The following ARHGEF4 variants were observed in gnomAD, a reference collection of about 807,000 sequenced individuals.
ARHGEF4 encodes Rho guanine nucleotide exchange factor 4.
A neutral mutation model predicts 162.0 loss-of-function variants in ARHGEF4; 119 were observed. The ratio of observed to expected loss-of-function variants is 0.73; its 90% CI spans 0.63 to 0.86. ARHGEF4 has a LOEUF of 0.86. Ranked by LOEUF, ARHGEF4 falls within the 40% of genes least tolerant of loss-of-function variation. The pLI, the probability that ARHGEF4 is intolerant of heterozygous loss-of-function variation, is 0.00. For missense variants in ARHGEF4, 2,488 were observed against 2,456.0 expected (o/e 1.01, Z -0.28); for synonymous variants, 1,014 against 979.9 (o/e 1.03, Z -0.65).
Position 130,917,198 on chromosome 2 carries a change from G to A in ARHGEF4, c.3252G>A (p.Gly1084=), listed in dbSNP as rs1681553352. Residue 1084 remains glycine (G), a synonymous_variant, in exon 2 of 14, where the codon GGG becomes GGA. Transcript: ENST00000409359. ...SACCLAYENP[G]TPCRPTSPKP... is the part of the protein sequence containing the mutation. ...GCTGCCTGGCATATGAAAACCCCGG[G>A]ACGCCCTGCAGACCCACGAGCCCCA... 6.5e-7 allele frequency: 1 copy of A among 1,550,326 alleles called. No homozygotes were observed. Among genetic ancestry groups the A allele is most frequent in the Admixed American group, 2.0e-5 (1 of 50,972 alleles).
chr2:131,041,676 G>T (rs1371125455), intron 9 of ARHGEF4, 139 bp from the exon 10 acceptor site: 4 of 1,264,002 alleles, frequency 3.2e-6, no homozygotes, highest in East Asian at 4.7e-5. Flanking sequence ...GAAGAGAGGG[G>T]CTGTGCATCT....
At chr2:130,951,542 A>G (rs577819454) in intron 4 of ARHGEF4, among the ~76,000 whole-genome samples, 8 of 152,324 alleles carry the variant, frequency 5.3e-5, no homozygotes, top group African/African-American at 1.7e-4. Flanking sequence ...GCCATCTTCT[A>G]TGGGCACAGT....
At chr2:130,857,124 T>C (rs193053241) in intron 1 of ARHGEF4, among the ~76,000 whole-genome samples, 88 of 152,062 alleles carry the variant, frequency 5.8e-4, no homozygotes, top group East Asian at 1.5e-3. Flanking sequence ...CCCAGCTACT[T>C]GGGAGGCTGA....
chr2:130,970,376 G>A (rs1057032993), intron 4 of ARHGEF4, among the ~76,000 whole-genome samples: 1 of 151,996 alleles, frequency 6.6e-6, no homozygotes, highest in Non-Finnish European at 1.5e-5. Context: ...ATCACCTGAG[G>A]TCAGGCGTTC....
At chr2:130,978,264 G>C (rs1396052703) in intron 4 of ARHGEF4, among the ~76,000 whole-genome samples, 2 of 152,158 alleles carry the variant, frequency 1.3e-5, no homozygotes, top group Non-Finnish European at 2.9e-5. Context: ...ATGCTGAGGA[G>C]GGGTGTCGTG....
chr2:130,870,256 C>T (rs536904662), intron 1 of ARHGEF4, among the ~76,000 whole-genome samples: 13 of 152,296 alleles, frequency 8.5e-5, no homozygotes, highest in Non-Finnish European at 1.6e-4. Context: ...GCTGAACAGA[C>T]GAGATGGGAC....
At chr2:131,035,195 TC>T in intron 5 of ARHGEF4, 1 of 1,222,618 alleles carries the variant, frequency 8.2e-7, no homozygotes, top group Non-Finnish European at 1.0e-6. Flanking sequence ...CGCGTGGTGG[TC>T]TCCGCCGTGC....
At chr2:130,936,346 G>T (rs1338580865) in intron 3 of ARHGEF4, among the ~76,000 whole-genome samples, 1 of 152,210 alleles carries the variant, frequency 6.6e-6, no homozygotes, top group African/African-American at 2.4e-5. Flanking sequence ...TCAGTTTGTA[G>T]GTACGTATGT....
At chr2:130,968,199 G>A (rs1187150774) in intron 4 of ARHGEF4, among the ~76,000 whole-genome samples, 4 of 152,178 alleles carry the variant, frequency 2.6e-5, no homozygotes, top group Non-Finnish European at 4.4e-5. Context: ...GATATTCCTA[G>A]GGCTTAAAGG....
intron 6 of ARHGEF4, chr2:131,039,237 C>T (rs936715094): frequency 2.5e-5 from 32 of 1,273,968 alleles, no homozygotes; most frequent in Non-Finnish European, 3.1e-5. Flanking sequence ...CCTCGGGGGC[C>T]AGAGAGGAGA....
chr2:130,961,944 G>A (rs1413068346), intron 4 of ARHGEF4, among the ~76,000 whole-genome samples: 2 of 152,060 alleles, frequency 1.3e-5, no homozygotes, highest in African/African-American at 2.4e-5. Flanking sequence ...CCAAGGACAA[G>A]AAAGACTGGA....
intron 5 of ARHGEF4, among the ~76,000 whole-genome samples, chr2:131,028,847 T>C (rs1689648464): frequency 2.0e-5 from 3 of 152,228 alleles, no homozygotes; most frequent in Admixed American, 1.3e-4. Context: ...TTCTGCTTCA[T>C]TAAAACTGGA....
At position 131,010,247 on chromosome 2, in the gene ARHGEF4, G is replaced by T. The variant is rs575858390; in HGVS notation, c.3986-17698G>T. The stretch of plus-strand genomic sequence containing the variant: ...TCAATCAGTGACACTGTGACTGCAG[G>T]TTTCTCTCTGTGTTTTAGCCACCCC... On this transcript the variant is annotated intron_variant, in intron 4 of 13. Coordinates refer to ENST00000409359, the MANE Select transcript of ARHGEF4 (RefSeq NM_001367493.1). Among the ~76,000 whole-genome samples, 4 of 152,252 alleles carry T rather than the reference G, an allele frequency of 2.6e-5. No individual in the cohort carries two copies. The East Asian group carries it at 7.7e-4, about 29-fold the overall frequency.
At chr2:130,943,249 T>C (rs1683414641) in intron 3 of ARHGEF4, among the ~76,000 whole-genome samples, 1 of 152,202 alleles carries the variant, frequency 6.6e-6, no homozygotes, top group African/African-American at 2.4e-5. Context: ...TGGTTTTGTC[T>C]GATATTAATA....
chr2:130,838,999 A>G (rs1465213691), intron 1 of ARHGEF4, among the ~76,000 whole-genome samples: 1 of 151,082 alleles, frequency 6.6e-6, no homozygotes, highest in African/African-American at 2.4e-5. Context: ...GCCTTTCCAT[A>G]CTTTCTGCCT....
In ARHGEF4 at chr2:131,043,486, T is replaced by G; in HGVS notation, c.5060T>G (p.Ile1687Ser). 3 of 1,614,024 alleles carry G rather than the reference T, an allele frequency of 1.9e-6. No individual in the cohort carries two copies. Among genetic ancestry groups the G allele is most frequent in the Non-Finnish European group, 1.7e-6 (2 of 1,180,004 alleles). Residue 1687 changes from isoleucine (I) to serine (S), a missense_variant, in exon 11 of 14, where the codon ATC becomes AGC. Ile to Ser is a moderately radical substitution (Grantham distance 142). This residue lies in a region of ARHGEF4 where 415 missense variants were observed against 512.4 expected (regional missense o/e 0.81). Transcript: ENST00000409359. ...EDLLVRSSEL[I>S]YSGELTRVTQ... The stretch of plus-strand genomic sequence containing the variant: ...CTCTTGGTCAGGAGCTCAGAACTCA[T>G]CTACTCGGGGGAGCTGACTCGAGTT...
At chr2:131,027,797 A>G in intron 4 of ARHGEF4, 148 bp from the exon 5 acceptor site, 1 of 846,068 alleles carries the variant, frequency 1.2e-6, no homozygotes, top group Non-Finnish European at 1.8e-6. Flanking sequence ...TGTGGCAAGG[A>G]TGGTTTGAGA....
intron 4 of ARHGEF4, among the ~76,000 whole-genome samples, chr2:130,973,721 A>G (rs1032942335): frequency 2.0e-5 from 3 of 152,142 alleles, no homozygotes; most frequent in African/African-American, 7.2e-5. Context: ...ATCTCTTCCA[A>G]TTCGACAGCT....
intron 1 of ARHGEF4, among the ~76,000 whole-genome samples, chr2:130,886,620 G>C (rs926012824): frequency 6.6e-6 from 1 of 151,342 alleles, no homozygotes; most frequent in Non-Finnish European, 1.5e-5. Flanking sequence ...GGTGGAGCTT[G>C]CAGTGAGCCG....
Sources: allele counts gnomAD v4.1 joint callset (sites outside exome capture counted in the v4.1 genomes callset), GRCh38; gene constraint gnomAD v4.1.1; regional missense constraint gnomAD v4.1.1; transcripts MANE v1.5; gene names NCBI Gene and HGNC (gene_info 2026-07-23, HGNC 2026-07-21).